The following AMOTL1 variants were observed in gnomAD, a reference collection of about 807,000 sequenced individuals.
AMOTL1 encodes the protein angiomotin like 1, also known as angiomotin-like protein 1.
A neutral mutation model predicts 102.9 loss-of-function variants in AMOTL1; 45 were observed. The ratio of observed to expected loss-of-function variants is 0.44; its 90% CI spans 0.34 to 0.56. The LOEUF (loss-of-function observed/expected upper bound fraction) is 0.56, where lower values mean the gene tolerates loss of function less well. AMOTL1 is among the 20% of genes least tolerant of loss of function. The pLI is 0.01. For synonymous variants in AMOTL1, 481 were observed against 484.7 expected (o/e 0.99, Z 0.10); for missense variants, 1,114 against 1,225.6 (o/e 0.91, Z 1.36).
At chr11:94,792,455 T>C (rs4753620) in intron 1 of AMOTL1, among the ~76,000 whole-genome samples, 25,332 of 152,194 alleles carry the variant, frequency 0.17, 4,672 homozygotes, top group African/African-American at 0.44. Context: ...TACCCTAGAA[T>C]TTAAAGTATA....
At chr11:94,849,721 ATAT>A (rs1364166131) in intron 6 of AMOTL1, among the ~76,000 whole-genome samples, 4 of 152,164 alleles carry the variant, frequency 2.6e-5, no homozygotes, top group Admixed American at 6.5e-5. Context: ...GAGAATATTA[ATAT>A]TATTATTAAT....
intron 3 of AMOTL1, chr11:94,740,993 G>C (rs2135476954): frequency 7.8e-7 from 1 of 1,288,900 alleles, no homozygotes; most frequent in East Asian, 5.6e-5. Flanking sequence ...AGTTAGGTAA[G>C]TCTGCTCATT....
intron 2 of AMOTL1, 54 bp downstream of exon 2, chr11:94,795,214 T>G (rs1951345715): frequency 5.0e-6 from 8 of 1,594,140 alleles, no homozygotes; most frequent in Non-Finnish European, 6.9e-6. Flanking sequence ...CTTACGTTTC[T>G]CATCTTTAGC....
intron 1 of AMOTL1, among the ~76,000 whole-genome samples, chr11:94,775,486 C>CTT (rs536228170): frequency 2.0e-5 from 3 of 147,848 alleles, no homozygotes; most frequent in African/African-American, 7.4e-5. Flanking sequence ...AACTCTGTGA[C>CTT]TTTTTTTTTT....
chr11:94,870,589 G>C (rs1952977754), intron 12 of AMOTL1, 100 bp from the exon 13 acceptor site: 3 of 766,038 alleles, frequency 3.9e-6, no homozygotes, highest in Non-Finnish European at 6.2e-6. Context: ...GAGAATCCTG[G>C]GTGTGCAGTG....
At chr11:94,776,748 A>T (rs1268003500) in intron 1 of AMOTL1, among the ~76,000 whole-genome samples, 2 of 152,150 alleles carry the variant, frequency 1.3e-5, no homozygotes, top group Non-Finnish European at 2.9e-5. Flanking sequence ...CCTTTCTGAC[A>T]CGGGTGGTGT....
chr11:94,864,889 G>A (rs1384596019), intron 10 of AMOTL1, 29 bp downstream of exon 10: 2 of 1,603,298 alleles, frequency 1.2e-6, no homozygotes, highest in Non-Finnish European at 1.7e-6. Flanking sequence ...TGACGTGTGG[G>A]GCCCGCTGCA....
intron 3 of AMOTL1, among the ~76,000 whole-genome samples, chr11:94,761,520 T>G (rs914011587): frequency 1.3e-5 from 2 of 152,128 alleles, no homozygotes; most frequent in African/African-American, 2.4e-5. Flanking sequence ...TATTTCTAAT[T>G]TTTTTCTAGT....
intron 3 of AMOTL1, among the ~76,000 whole-genome samples, chr11:94,743,973 A>G (rs1950561008): frequency 6.6e-6 from 1 of 152,134 alleles, no homozygotes; most frequent in Non-Finnish European, 1.5e-5. Context: ...TGTACTCACA[A>G]TACTTCTGAC....
At chr11:94,838,033 T>C (rs1699380132) in intron 6 of AMOTL1, among the ~76,000 whole-genome samples, 1 of 152,232 alleles carries the variant, frequency 6.6e-6, no homozygotes, top group Non-Finnish European at 1.5e-5. Context: ...TTAAATTAAA[T>C]GGCAGTTGCT....
chr11:94,840,679 TATACACACACACAC>T (rs914989352), intron 6 of AMOTL1, among the ~76,000 whole-genome samples: 1 of 129,362 alleles, frequency 7.7e-6, no homozygotes, highest in African/African-American at 3.1e-5. Flanking sequence ...TATATATATA[TATACACACACACAC>T]ACACACACAC....
chr11:94,779,560 G>T (rs748539651), intron 1 of AMOTL1, among the ~76,000 whole-genome samples: 1 of 152,208 alleles, frequency 6.6e-6, no homozygotes, highest in Non-Finnish European at 1.5e-5. Context: ...TAAGCAAGAG[G>T]TAATGGGTAA....
intron 6 of AMOTL1, among the ~76,000 whole-genome samples, chr11:94,832,323 T>C (rs1266435211): frequency 6.6e-6 from 1 of 152,236 alleles, no homozygotes; most frequent in East Asian, 1.9e-4. Flanking sequence ...AAAAGTAATG[T>C]ATTCAGGCAC....
intron 3 of AMOTL1, among the ~76,000 whole-genome samples, chr11:94,752,022 G>C (rs1026880409): frequency 6.6e-6 from 1 of 152,112 alleles, no homozygotes; most frequent in Non-Finnish European, 1.5e-5. Context: ...CTATGATTAT[G>C]GTTTCTGGGG....
Position 94,731,804 on chromosome 11 carries a change from T to C in AMOTL1, c.85+2749T>C, listed in dbSNP as rs192063851. Among the ~76,000 whole-genome samples, 63 of 152,338 alleles carry C rather than the reference T, an allele frequency of 4.1e-4. No homozygotes were observed. In the East Asian group the frequency reaches 0.012, roughly 28 times the overall value. The stretch of plus-strand genomic sequence containing the variant: ...TCCAATCCTAGCCACCATAGGCTTC[T>C]GTCCCTCCAATTCCCTCTCCAACAC... On this transcript the variant is annotated intron_variant, in intron 2 of 4. Coordinates refer to the AMOTL1 transcript ENST00000299004.
chr11:94,710,580 G>A (rs1950008062), intron 1 of AMOTL1, among the ~76,000 whole-genome samples: 2 of 152,200 alleles, frequency 1.3e-5, no homozygotes, highest in African/African-American at 4.8e-5. Flanking sequence ...AGTAGTGACA[G>A]CGTTGGAGCA....
chr11:94,802,378 A>G (rs537684851), intron 3 of AMOTL1, among the ~76,000 whole-genome samples: 1 of 152,312 alleles, frequency 6.6e-6, no homozygotes, highest in Non-Finnish European at 1.5e-5. Flanking sequence ...AGCTTGATAG[A>G]GGGGAAGCTA....
rs776244833 is a variant in AMOTL1, at chr11:94,799,556, G to A, written c.366G>A (p.Gln122=). ...PTENMNLLAI[Q]HQATGSAGPA... ...AGAACATGAACTTGCTGGCCATTCA[G>A]CACCAGGCCACAGGGAGTGCAGGAC... Residue 122 remains glutamine (Q), a synonymous_variant, in exon 3 of 13, where the codon CAG becomes CAA. Transcript: ENST00000433060. The surrounding 1 kb of genome is among the most constrained non-coding windows in gnomAD (Gnocchi z 4.5). The A allele has an allele frequency of 3.7e-6, 6 of 1,613,690 alleles. No individual in the cohort carries two copies. Among genetic ancestry groups the A allele is most frequent in the Admixed American group, 1.7e-5 (1 of 59,990 alleles).
Position 94,741,205 on chromosome 11 carries a change from C to CGTGT in AMOTL1, c.136+229_136+232dup, listed in dbSNP as rs148548948. On this transcript the variant is annotated intron_variant, in intron 3 of 4. Coordinates refer to the AMOTL1 transcript ENST00000299004. ...CAGGGCAAGTGTCCAATGAGCCGTGCGTGTGTGTGTGTGTGCGTGCGTGTG... is the reference window on the plus strand; with the variant it reads ...CAGGGCAAGTGTCCAATGAGCCGTGCGTGTGTGTGTGTGTGTGTGCGTGCGTGTG... Among the ~76,000 whole-genome samples, 498 of 150,270 alleles carry CGTGT rather than the reference C, an allele frequency of 3.3e-3. 6 individuals carry two copies. The highest frequency in any genetic ancestry group is 0.019 in the South Asian group (89 of 4,700).
Sources: gnomAD v4.1 joint callset for allele counts (sites outside exome capture counted in the v4.1 genomes callset) on GRCh38, gnomAD v4.1.1 for gene constraint, Gnocchi (gnomAD v3.1) non-coding constraint, MANE v1.5 for transcripts, NCBI Gene and HGNC (gene_info 2026-07-23, HGNC 2026-07-21) for gene names.